Variants in SH3BP4 observed in about 807,000 individuals in gnomAD.
SH3BP4 encodes the protein SH3 domain binding protein 4.
Under a neutral mutation model 65.5 loss-of-function variants are expected in SH3BP4, and 33 were observed. That is an observed-to-expected ratio of 0.50 (90% CI 0.38 to 0.67). The LOEUF (loss-of-function observed/expected upper bound fraction) is 0.67, where lower values mean the gene tolerates loss of function less well. Among genes scored for constraint, SH3BP4 ranks in the 30% least tolerant of loss-of-function variants. SH3BP4 has a pLI of 0.00. For synonymous variants in SH3BP4, 552 were observed against 545.5 expected (o/e 1.01, Z -0.17); for missense variants, 1,134 against 1,261.4 (o/e 0.90, Z 1.53).
chr2:235,019,727 C>T (rs1456197347), intron 2 of SH3BP4, among the ~76,000 whole-genome samples: 2 of 151,706 alleles, frequency 1.3e-5, no homozygotes, highest in Admixed American at 1.3e-4. Flanking sequence ...TGAGCCACCA[C>T]GCCTGGCCAG....
intron 2 of SH3BP4, among the ~76,000 whole-genome samples, chr2:234,998,602 C>T (rs1164673159): frequency 2.6e-5 from 4 of 152,212 alleles, no homozygotes; most frequent in African/African-American, 4.8e-5. Context: ...CAGCTGACCG[C>T]TGCAGTGGGC....
intron 3 of SH3BP4, among the ~76,000 whole-genome samples, chr2:235,038,387 ATATATATATATATATATATAT>A (rs1695519647): frequency 7.1e-5 from 1 of 14,146 alleles, no homozygotes; most frequent in African/African-American, 5.4e-4. Context: ...ATATATATAT[ATATATATATATATATATATAT>A]ATATATATGA....
At position 235,033,255 on chromosome 2, in the gene SH3BP4, G is replaced by A. The variant is rs1156628861; in HGVS notation, c.-132-1616G>A. Among the ~76,000 whole-genome samples, 1 of 152,152 alleles carries A rather than the reference G, an allele frequency of 6.6e-6. No homozygotes were observed. Among genetic ancestry groups the A allele is most frequent in the African/African-American group, 2.4e-5 (1 of 41,428 alleles). ...AAAAGTCAAGGCTCTGGCCAACTCT[G>A]TTCCTAGGAGGGCCCTCTTCCTGGC... On this transcript the variant is annotated intron_variant, in intron 2 of 5. Transcript: ENST00000392011. The surrounding 1 kb of genome is among the most constrained non-coding windows in gnomAD (Gnocchi z 5.7).
intron 1 of SH3BP4, among the ~76,000 whole-genome samples, chr2:234,992,145 G>A (rs868186575): frequency 6.6e-6 from 1 of 152,228 alleles, no homozygotes; most frequent in Non-Finnish European, 1.5e-5. Flanking sequence ...TGTTGTCAGC[G>A]CAGCCTCTCT....
chr2:234,993,306 C>T (rs1478217513), intron 1 of SH3BP4, among the ~76,000 whole-genome samples: 3 of 152,192 alleles, frequency 2.0e-5, no homozygotes, highest in African/African-American at 7.2e-5. Flanking sequence ...GTAACTGCAG[C>T]CACTGGAGGC....
intron 2 of SH3BP4, among the ~76,000 whole-genome samples, chr2:235,000,532 A>G (rs1173004068): frequency 6.6e-6 from 1 of 152,212 alleles, no homozygotes. Flanking sequence ...GGGCTTAGCC[A>G]GAAGGGGAAG....
chr2:234,964,448 G>C (rs560626534), intron 1 of SH3BP4, among the ~76,000 whole-genome samples: 196 of 152,284 alleles, frequency 1.3e-3, no homozygotes, highest in African/African-American at 4.5e-3. Context: ...CAGATGCAGC[G>C]TCTGCCCACA....
At position 234,997,506 on chromosome 2, in the gene SH3BP4, C is replaced by T. The variant is rs1210596534; in HGVS notation, c.-133+2130C>T. Among the ~76,000 whole-genome samples the T allele has an allele frequency of 6.6e-6, 1 of 152,222 alleles. No homozygotes were observed. Among genetic ancestry groups the T allele is most frequent in the Non-Finnish European group, 1.5e-5 (1 of 68,040 alleles). On this transcript the variant is annotated intron_variant, in intron 2 of 5. Transcript: ENST00000392011. The surrounding 1 kb of genome is among the most constrained non-coding windows in gnomAD (Gnocchi z 4.2). ...AGGAGGCAGCAGAAATGCTCCCTGA[C>T]TCAGTTCCTGAGACCAGAATGACTG...
At chr2:235,010,861 A>G (rs1694468004) in intron 2 of SH3BP4, among the ~76,000 whole-genome samples, 1 of 128,518 alleles carries the variant, frequency 7.8e-6, no homozygotes, top group Admixed American at 7.4e-5. Context: ...TCCCTCTCCT[A>G]GGAGAAACCT....
At position 235,053,757 on chromosome 2, in the gene SH3BP4, C is replaced by T; in HGVS notation, c.2833C>T (p.Leu945=). 1 of 1,614,238 alleles carries T rather than the reference C, an allele frequency of 6.2e-7. No individual in the cohort carries two copies. The highest frequency in any genetic ancestry group is 8.5e-7 in the Non-Finnish European group (1 of 1,180,050). ...LTGTLILVNS[L]DVLRAAAFSP... ...TGGGACTCTGATCTTGGTGAACTCC[C>T]TGGACGTTCTGAGAGCAGCCGCCTT... is the stretch of plus-strand genomic sequence containing the variant. Residue 945 remains leucine, a synonymous_variant, in exon 6 of 6, where the codon CTG becomes TTG. Coordinates refer to ENST00000392011, the MANE Select transcript of SH3BP4 (RefSeq NM_014521.3).
intron 1 of SH3BP4, among the ~76,000 whole-genome samples, chr2:234,969,601 A>G (rs1290656514): frequency 2.6e-5 from 4 of 152,190 alleles, no homozygotes; most frequent in African/African-American, 9.7e-5. Context: ...GCAGACTTCC[A>G]AGGGCTTCGT....
rs1472223670 is a variant in SH3BP4 at position 234,997,911 on chromosome 2, A to G, written c.-133+2535A>G. Among the ~76,000 whole-genome samples the G allele has an allele frequency of 6.6e-6, 1 of 152,142 alleles. No individual in the cohort carries two copies. Among genetic ancestry groups the G allele is most frequent in the African/African-American group, 2.4e-5 (1 of 41,428 alleles). On this transcript the variant is annotated intron_variant, in intron 2 of 5. Transcript: ENST00000392011. This position sits in a 1 kb window ranked among gnomAD's most constrained non-coding sequence, Gnocchi z 4.2. The stretch of plus-strand genomic sequence containing the variant: ...GCCGAGGTGGGCGGATCACGAGATC[A>G]GGAGATCAAGACCATCCTGTCTAAC...
rs768075368 is a variant in SH3BP4 at position 235,035,134 on chromosome 2, G to T, written c.118+14G>T. 5.1e-6 allele frequency: 8 copies of T among 1,578,906 alleles called. No individual in the cohort carries two copies. The highest frequency in any genetic ancestry group is 2.7e-5 in the African/African-American group (2 of 74,316). ...ATGACATCAAAGGTGAGCTTCTGGGGAACAGGACTGTGGCTAAGGGAGAAC... is the reference window on the plus strand; with the variant it reads ...ATGACATCAAAGGTGAGCTTCTGGGTAACAGGACTGTGGCTAAGGGAGAAC... On this transcript the variant is annotated intron_variant, in intron 3 of 5. Transcript: ENST00000392011. This position sits in a 1 kb window ranked among gnomAD's most constrained non-coding sequence, Gnocchi z 5.0.
At chr2:235,014,583 C>T (rs1023895294) in intron 2 of SH3BP4, among the ~76,000 whole-genome samples, 4 of 152,196 alleles carry the variant, frequency 2.6e-5, no homozygotes, top group Admixed American at 2.6e-4. Flanking sequence ...CAAGTGTCAG[C>T]AGAGCTGTTC....
chr2:235,007,510 G>A (rs182654910), intron 2 of SH3BP4, among the ~76,000 whole-genome samples: 20 of 152,290 alleles, frequency 1.3e-4, no homozygotes, highest in African/African-American at 2.6e-4. Context: ...GCTGCAGATC[G>A]TGCAGTGCCC....
At chr2:234,986,809 ATT>A (rs59337610) in intron 1 of SH3BP4, among the ~76,000 whole-genome samples, 7 of 133,282 alleles carry the variant, frequency 5.3e-5, no homozygotes, top group Non-Finnish European at 3.3e-5. Context: ...TAATGATTTT[ATT>A]TTTTTTTTTT....
chr2:234,980,402 T>C lies in SH3BP4; in HGVS notation c.-206-14901T>C, dbSNP rs530377079. On this transcript the variant is annotated intron_variant, in intron 1 of 5. Coordinates refer to ENST00000392011, the MANE Select transcript of SH3BP4 (RefSeq NM_014521.3). ...GTTTTCTCCCTGCCAGAATATCTTA[T>C]TGTACTGTAGCACCTGTTTTGGGAC... Among the ~76,000 whole-genome samples the C allele has an allele frequency of 4.6e-5, 7 of 152,348 alleles. No individual in the cohort carries two copies. The South Asian group carries it at 6.2e-4, about 14-fold the overall frequency.
At chr2:235,038,249 T>A (rs375472396) in intron 3 of SH3BP4, among the ~76,000 whole-genome samples, 1 of 34,428 alleles carries the variant, frequency 2.9e-5, no homozygotes, top group African/African-American at 1.6e-4. Flanking sequence ...TATATATATA[T>A]TATATATAAT....
Position 235,054,897 on chromosome 2 carries a change from C to T in SH3BP4, c.*1081C>T, listed in dbSNP as rs1387406510. 1 of 152,218 alleles carries T rather than the reference C, an allele frequency of 6.6e-6. No homozygotes were observed. 9.4% of individuals were successfully genotyped at this position (152,218 alleles called of 1,614,324 possible). A position where few individuals can be genotyped will look rare whatever the true frequency, so the allele number is the denominator to read the frequency against. ...ACTCTGCATTTCATTTCATCTAAGG[C>T]TTAACCCCTCTTCCTTCCTGGTGTA... On this transcript the variant is annotated 3_prime_UTR_variant, in exon 6 of 6. Coordinates refer to ENST00000392011, the MANE Select transcript of SH3BP4 (RefSeq NM_014521.3).
Sources: allele counts gnomAD v4.1 joint callset (sites outside exome capture counted in the v4.1 genomes callset), GRCh38; gene constraint gnomAD v4.1.1; non-coding constraint Gnocchi (gnomAD v3.1); transcripts MANE v1.5; gene names NCBI Gene and HGNC (gene_info 2026-07-23, HGNC 2026-07-21).